The following TRIOBP variants were observed in gnomAD, a reference collection of about 807,000 sequenced individuals.
TRIOBP encodes the protein TRIO and F-actin-binding protein.
A neutral mutation model predicts 238.8 loss-of-function variants in TRIOBP; 169 were observed. The observed-to-expected ratio is 0.71, with a 90% confidence interval of 0.62 to 0.80. The LOEUF (loss-of-function observed/expected upper bound fraction) is 0.80. Among genes scored for constraint, TRIOBP ranks in the 30% least tolerant of loss-of-function variants. TRIOBP has a pLI of 0.00. For missense variants in TRIOBP, 2,838 were observed against 3,122.6 expected, an observed-to-expected ratio of 0.91 and a Z score of 2.17; for synonymous variants, 1,150 against 1,274.4, an observed-to-expected ratio of 0.90 and a Z score of 2.08.
intron 11 of TRIOBP, chr22:37,750,917 A>G (rs117980327): frequency 1.3e-5 from 5 of 375,528 alleles, no homozygotes; most frequent in Non-Finnish European, 2.2e-5. Flanking sequence ...AGGGGCTGAT[A>G]GGTAGGCTCA....
Position 37,769,388 on chromosome 22 carries a change from A to T in TRIOBP, c.6849+13A>T, listed in dbSNP as rs1443516048. On this transcript the variant is annotated intron_variant, in intron 21 of 23. Transcript: ENST00000644935. ...CTGCGAGCTAGAGGTGAGTGTCCTC[A>T]CTAGCACCAGGCAGCCCAGTGGTTC... is the stretch of plus-strand genomic sequence containing the variant. The T allele has an allele frequency of 6.3e-6, 10 of 1,586,004 alleles. No individual in the cohort carries two copies. Among genetic ancestry groups the T allele is most frequent in the African/African-American group, 1.3e-5 (1 of 74,358 alleles).
intron 11 of TRIOBP, chr22:37,751,058 G>A (rs757553954): frequency 4.9e-5 from 20 of 408,402 alleles, no homozygotes; most frequent in Non-Finnish European, 8.5e-5. Context: ...CCCACTAGAT[G>A]AGCATGGTCA....
chr22:37,749,225 G>A (rs1192867863), intron 11 of TRIOBP, among the ~76,000 whole-genome samples: 2 of 152,128 alleles, frequency 1.3e-5, no homozygotes, highest in Non-Finnish European at 2.9e-5. Flanking sequence ...CATGGTGGTG[G>A]GTGCTTGTAA....
At chr22:37,733,897 C>T (rs200001528) in intron 8 of TRIOBP, among the ~76,000 whole-genome samples, 14 of 152,258 alleles carry the variant, frequency 9.2e-5, no homozygotes, top group East Asian at 5.8e-4. Context: ...TCACTCCTGA[C>T]GTCAAGTGAT....
chr22:37,758,780 G>A (rs190058056), intron 16 of TRIOBP, among the ~76,000 whole-genome samples: 90 of 152,198 alleles, frequency 5.9e-4, no homozygotes, highest in East Asian at 5.8e-4. Context: ...TCCTCACAGC[G>A]GCCTCTACCC....
chr22:37,769,419 G>T, intron 21 of TRIOBP, 44 bp downstream of exon 21: 1 of 1,525,336 alleles, frequency 6.6e-7, no homozygotes. Context: ...GGTTCTCGGG[G>T]CCCGGGGCTA....
At chr22:37,741,139 A>G in intron 11 of TRIOBP, 107 bp downstream of exon 11, 1 of 1,437,172 alleles carries the variant, frequency 7.0e-7, no homozygotes, top group Non-Finnish European at 9.4e-7. Context: ...GCTGAGGAGG[A>G]GGCACCTAGG....
chr22:37,713,220 C>G lies in TRIOBP; in HGVS notation c.265C>G (p.Pro89Ala), dbSNP rs199646135. Reference sequence around the variant, plus strand: ...TGTCTCCTCTCCCAGGGGCCCATCCCCCTCAGCAGGGCTCCCAGAAGAGGG... The same window carrying G: ...TGTCTCCTCTCCCAGGGGCCCATCCGCCTCAGCAGGGCTCCCAGAAGAGGG... The part of the protein sequence containing the change: ...LRPGPKRGPS[P>A]SAGLPEEGPT... Residue 89 changes from proline to alanine, a missense_variant, in exon 5 of 24, where the codon CCC (proline) becomes GCC (alanine). Physicochemically the swap from Pro to Ala is conservative, Grantham distance 27 (BLOSUM62 -1). This residue lies in a region of TRIOBP where 535 missense variants were observed against 537.3 expected (regional missense o/e 1.00). Transcript: ENST00000644935. The G allele has an allele frequency of 4.6e-3, 7,444 of 1,613,514 alleles. 27 individuals carry two copies. The highest frequency in any genetic ancestry group is 0.013 in the Middle Eastern group (76 of 6,052).
intron 3 of TRIOBP, among the ~76,000 whole-genome samples, chr22:37,708,751 C>T (rs1181580602): frequency 6.6e-6 from 1 of 152,186 alleles, no homozygotes; most frequent in Non-Finnish European, 1.5e-5. Context: ...AGTCATCGGC[C>T]TGAGGTCACC....
chr22:37,751,649 C>A, intron 11 of TRIOBP, 123 bp from the exon 12 acceptor site: 2 of 1,130,112 alleles, frequency 1.8e-6, no homozygotes, highest in Non-Finnish European at 2.6e-6. Context: ...GCCCTCTTGG[C>A]TGGCTTCCCA....
chr22:37,710,118 C>T (rs902287205), intron 3 of TRIOBP, among the ~76,000 whole-genome samples: 3 of 152,264 alleles, frequency 2.0e-5, no homozygotes, highest in South Asian at 2.1e-4. Context: ...TGCGTAGACA[C>T]GCATGCGCAA....
At position 37,726,535 on chromosome 22, in the gene TRIOBP, C is replaced by G. The variant is rs566321287; in HGVS notation, c.3947+32C>G. ...CCGGGGGTGGGGTCAGCCAGGTGGGCTGGGGAGGAGGCTCGGCAGCAGGAC... is the reference window on the plus strand; with the variant it reads ...CCGGGGGTGGGGTCAGCCAGGTGGGGTGGGGAGGAGGCTCGGCAGCAGGAC... On this transcript the variant is annotated intron_variant, in intron 7 of 23. Transcript: ENST00000644935. 1.7e-4 allele frequency: 251 copies of G among 1,440,608 alleles called. No homozygotes were observed. The African/African-American group carries it at 3.1e-3, about 18-fold the overall frequency. The allele number at this position is 1,440,608 out of a possible 1,614,324, so 89.2% of individuals were successfully genotyped here. A position where few individuals can be genotyped will look rare whatever the true frequency, so the allele number is the denominator to read the frequency against.
intron 6 of TRIOBP, among the ~76,000 whole-genome samples, chr22:37,720,000 C>CTTTTTTTTTTTTT (rs869261824): frequency 1.8e-5 from 1 of 54,404 alleles, no homozygotes. Flanking sequence ...CCCCCCCGCC[C>CTTTTTTTTTTTTT]TTTTTTTTTT....
Position 37,709,608 on chromosome 22 carries a change from C to T in TRIOBP, c.115-819C>T, listed in dbSNP as rs182571997. 5.5e-3 allele frequency among the ~76,000 whole-genome samples: 836 copies of T among 152,266 alleles called. 4 individuals carry two copies. Among genetic ancestry groups the T allele is most frequent in the Middle Eastern group, 6.8e-3 (2 of 294 alleles). On this transcript the variant is annotated intron_variant, in intron 3 of 23. Transcript: ENST00000644935. ...CCAGGTAATCCGAGAGGAGGCGGGG[C>T]GCAGGGTGCCATGGCCGCTGTCTCC...
intron 15 of TRIOBP, 38 bp from the exon 16 acceptor site, chr22:37,757,575 G>A (rs1925995714): frequency 1.3e-6 from 2 of 1,552,362 alleles, no homozygotes; most frequent in African/African-American, 1.4e-5. Context: ...GACTGCAGGG[G>A]TGAGGACCCA....
At chr22:37,713,568 G>A (rs551320761) in intron 5 of TRIOBP, among the ~76,000 whole-genome samples, 157 bp downstream of exon 5, 2 of 152,340 alleles carry the variant, frequency 1.3e-5, no homozygotes, top group African/African-American at 2.4e-5. Flanking sequence ...CCACCCCGGC[G>A]AACCCCTGGA....
At chr22:37,743,786 A>C (rs993796145) in intron 11 of TRIOBP, among the ~76,000 whole-genome samples, 1 of 143,842 alleles carries the variant, frequency 7.0e-6, no homozygotes, top group Non-Finnish European at 1.5e-5. Context: ...GGGGAAGGGG[A>C]GAAAGAGAGA....
intron 11 of TRIOBP, among the ~76,000 whole-genome samples, chr22:37,747,382 T>C (rs1403711307): frequency 6.6e-6 from 1 of 150,902 alleles, no homozygotes; most frequent in African/African-American, 2.4e-5. Flanking sequence ...TGGGGGAGGA[T>C]GAGCAGGGTG....
chr22:37,755,662 A>G lies in TRIOBP; in HGVS notation c.5687+3A>G. 6.2e-7 allele frequency: 1 copy of G among 1,613,812 alleles called. No individual in the cohort carries two copies. Among genetic ancestry groups the G allele is most frequent in the Non-Finnish European group, 8.5e-7 (1 of 1,179,876 alleles). On this transcript the variant is annotated splice_donor_region_variant and intron_variant, in intron 15 of 23. Coordinates refer to ENST00000644935, the MANE Select transcript of TRIOBP (RefSeq NM_001039141.3). ...ACTTCAGCCCCAGATGTCACCAAGT[A>G]CGTACTAAGCTGGACTGGGGCCTTG...
Sources: gnomAD v4.1 joint callset for allele counts (sites outside exome capture counted in the v4.1 genomes callset) on GRCh38, gnomAD v4.1.1 for gene constraint, gnomAD v4.1.1 regional missense constraint, MANE v1.5 for transcripts, NCBI Gene and HGNC (gene_info 2026-07-23, HGNC 2026-07-21) for gene names.